Variants in RYR1 observed in about 807,000 individuals in gnomAD.
RYR1 encodes the protein ryanodine receptor 1.
A neutral mutation model predicts 583.5 loss-of-function variants in RYR1; 342 were observed. That is an observed-to-expected ratio of 0.59 (90% CI 0.54 to 0.64). The LOEUF is 0.64. RYR1 is among the 30% of genes least tolerant of loss of function. The pLI is 0.00. For synonymous variants in RYR1, 2,791 were observed against 2,822.5 expected, an observed-to-expected ratio of 0.99 and a Z score of 0.35; for missense variants, 6,032 against 6,917.2, an observed-to-expected ratio of 0.87 and a Z score of 4.54.
In RYR1 at chr19:38,500,446, G is replaced by C. The variant is rs932251766; in HGVS notation, c.7324-160G>C. On this transcript the variant is annotated intron_variant, in intron 45 of 105. Coordinates refer to ENST00000359596, the MANE Select transcript of RYR1 (RefSeq NM_000540.3). The surrounding 1 kb of genome is among the most constrained non-coding windows in gnomAD (Gnocchi z 5.9). Reference sequence around the variant, plus strand: ...CAAGGAGAGAGGTCGGGACTGGGGTGGGGGGGCACAGGCAGAGGAACGAGG... The same window carrying C: ...CAAGGAGAGAGGTCGGGACTGGGGTCGGGGGGCACAGGCAGAGGAACGAGG... 4.0e-5 allele frequency among the ~76,000 whole-genome samples: 6 copies of C among 151,022 alleles called. No individual in the cohort carries two copies. Among genetic ancestry groups the C allele is most frequent in the South Asian group, 2.1e-4 (1 of 4,750 alleles).
At chr19:38,578,250 G>A (rs112526785) in intron 99 of RYR1, 46 bp downstream of exon 99, 24 of 1,596,472 alleles carry the variant, frequency 1.5e-5, no homozygotes, top group African/African-American at 1.3e-4. Context: ...CAGGGGTGGG[G>A]CGTTAGGAGG....
chr19:38,483,243 C>T lies in RYR1; in HGVS notation c.4708-47C>T. 6.4e-7 allele frequency: 1 copy of T among 1,574,392 alleles called. No homozygotes were observed. Among genetic ancestry groups the T allele is most frequent in the Non-Finnish European group, 8.6e-7 (1 of 1,158,154 alleles). On this transcript the variant is annotated intron_variant, in intron 32 of 105. Coordinates refer to ENST00000359596, the MANE Select transcript of RYR1 (RefSeq NM_000540.3). This position sits in a 1 kb window ranked among gnomAD's most constrained non-coding sequence, Gnocchi z 6.3. ...TCTCCCTGGAAGTGGTGTGGTGGGA[C>T]AGAGGGGGCTGGCCATCTTGACCCA... is the stretch of plus-strand genomic sequence containing the variant.
rs1163185721 is a variant in RYR1, at chr19:38,455,233, A to G, written c.1441-2A>G. On this transcript the variant is annotated splice_acceptor_variant, in intron 13 of 105. Coordinates refer to ENST00000359596, the MANE Select transcript of RYR1 (RefSeq NM_000540.3). LOFTEE classifies it high-confidence loss of function. ...TGATGCCTCTTATTTTCCTCATCCT[A>G]GGGGATGCTCTCCATGGTCCTGAAT... The G allele has an allele frequency of 6.2e-7, 1 of 1,614,028 alleles. No individual in the cohort carries two copies. The highest frequency in any genetic ancestry group is 2.2e-5 in the East Asian group (1 of 44,880).
intron 76 of RYR1, among the ~76,000 whole-genome samples, chr19:38,530,987 C>CTTTTTTTTTTTTT (rs59244176): frequency 1.9e-4 from 25 of 129,368 alleles, no homozygotes; most frequent in Non-Finnish European, 2.6e-4. Context: ...TTTTCTTTCT[C>CTTTTTTTTTTTTT]TTTTTTTTTT....
At position 38,517,699 on chromosome 19, in the gene RYR1, G is replaced by C; in HGVS notation, c.10018+8G>C. ...GGATGAAGCGGCTGGCTGGTGGGTC[G>C]GGGGGCACTGGGCCTCTGAGGGGTG... On this transcript the variant is annotated splice_region_variant and intron_variant, in intron 66 of 105. Transcript: ENST00000359596. The C allele has an allele frequency of 6.2e-7, 1 of 1,613,508 alleles. No individual in the cohort carries two copies. Among genetic ancestry groups the C allele is most frequent in the Non-Finnish European group, 8.5e-7 (1 of 1,179,492 alleles).
rs71165560 is a variant in RYR1 at position 38,551,025 on chromosome 19, CTTTTTTTTTTTTTTTTTTTTTT to C, written c.12282+2623_12282+2644del. Reference sequence around the variant, plus strand: ...CATTTATATCAGTGTGGATTCACGGCTTTTTTTTTTTTTTTTTTTTTTTTTTTTTTTTTTTTTTTGAGACGGA... The same window carrying C: ...CATTTATATCAGTGTGGATTCACGGCTTTTTTTTTTTTTTTTTGAGACGGA... On this transcript the variant is annotated intron_variant, in intron 89 of 105. Transcript: ENST00000359596. 2.2e-4 allele frequency among the ~76,000 whole-genome samples: 9 copies of C among 41,356 alleles called. 1 individual carries two copies. The highest frequency in any genetic ancestry group is 7.4e-4 in the Admixed American group (2 of 2,698). 27.1% of individuals were successfully genotyped at this position (41,356 alleles called of 152,430 possible).
chr19:38,451,276 A>C (rs1261136147), intron 11 of RYR1, among the ~76,000 whole-genome samples: 4 of 152,208 alleles, frequency 2.6e-5, no homozygotes, highest in African/African-American at 9.6e-5. Flanking sequence ...TTACAGCCGC[A>C]GACTGGATGA....
chr19:38,523,536 C>G, intron 69 of RYR1: 1 of 616,876 alleles, frequency 1.6e-6, no homozygotes, highest in South Asian at 1.9e-5. Context: ...TCTCCCTCTT[C>G]TCTCATCTCT....
rs1480875724 is a variant in RYR1, at chr19:38,486,065, C to T, written c.5410C>T (p.Leu1804=). The T allele has an allele frequency of 8.7e-6, 14 of 1,612,488 alleles. No homozygotes were observed. In the Admixed American group the frequency reaches 2.2e-4, roughly 25 times the overall value. The change falls in exon 34 of 106, where the codon CTG becomes TTG. Residue 1804 remains leucine, a synonymous_variant. Transcript: ENST00000359596. ...GGCCCGCCTCAGCCCTGCCATCCCG[C>T]TGGAGGCCCTGCGGGACAAGGCACT... ...APARLSPAIP[L]EALRDKALRM...
In RYR1 at chr19:38,460,420, G is replaced by T. The variant is rs1183710307; in HGVS notation, c.2406G>T (p.Leu802=). 1.2e-5 allele frequency: 19 copies of T among 1,613,982 alleles called. No individual in the cohort carries two copies. The highest frequency in any genetic ancestry group is 1.5e-5 in the Non-Finnish European group (18 of 1,180,032). The change falls in exon 20 of 106, where the codon CTG becomes CTT. Residue 802 remains leucine, a synonymous_variant. Coordinates refer to ENST00000359596, the MANE Select transcript of RYR1 (RefSeq NM_000540.3). The stretch of plus-strand genomic sequence containing the variant: ...GCCGCCATGGTGAATTCAAGTTCCT[G>T]CCCCCACCTGGCTATGCTCCATGCC... ...LGGRHGEFKF[L]PPPGYAPCHE...
chr19:38,483,306 C>T lies in RYR1; in HGVS notation c.4724C>T (p.Ser1575Leu), dbSNP rs767293084. The change falls in exon 33 of 106, where the codon TCA (serine) becomes TTA (leucine). Residue 1575 changes from serine to leucine, a missense_variant. Coordinates refer to ENST00000359596, the MANE Select transcript of RYR1 (RefSeq NM_000540.3). This position sits in a 1 kb window ranked among gnomAD's most constrained non-coding sequence, Gnocchi z 6.3. ...TGCCCTCAGAACATCATGCCGTTGT[C>T]AGCCGCCATGTTCCAAAGCGAGCGC... ...LGKQKNIMPL[S>L]AAMFQSERKN... 6.4e-7 allele frequency: 1 copy of T among 1,559,858 alleles called. No homozygotes were observed. Among genetic ancestry groups the T allele is most frequent in the Non-Finnish European group, 8.7e-7 (1 of 1,152,022 alleles).
intron 20 of RYR1, among the ~76,000 whole-genome samples, chr19:38,461,138 A>T (rs1967716202): frequency 6.8e-6 from 1 of 146,060 alleles, no homozygotes; most frequent in Non-Finnish European, 1.5e-5. Flanking sequence ...TGGGCAACAG[A>T]GTGAGACTTC....
At chr19:38,550,108 A>T (rs1283295262) in intron 89 of RYR1, among the ~76,000 whole-genome samples, 1 of 152,054 alleles carries the variant, frequency 6.6e-6, no homozygotes, top group Non-Finnish European at 1.5e-5. Flanking sequence ...GAACAAATTC[A>T]TTCTCCTACC....
chr19:38,438,075 G>A (rs140437267), intron 1 of RYR1, among the ~76,000 whole-genome samples: 4 of 150,872 alleles, frequency 2.7e-5, no homozygotes, highest in East Asian at 3.9e-4. Context: ...TCCTCCTTGC[G>A]GCCACCATCC....
rs781458272 is a variant in RYR1, at chr19:38,505,921, C to T, written c.8516C>T (p.Thr2839Met). 6.3e-5 allele frequency: 101 copies of T among 1,613,288 alleles called. No homozygotes were observed. The highest frequency in any genetic ancestry group is 3.8e-4 in the East Asian group (17 of 44,876). The change falls in exon 54 of 106, where the codon ACG becomes ATG. Residue 2839 changes from threonine to methionine, a missense_variant. Transcript: ENST00000359596. ...GAGGAGAAGACGGAAAAGAAAAAAACGCGGAAGATATCACAAAGTGCCCAG... is the reference window on the plus strand; with the variant it reads ...GAGGAGAAGACGGAAAAGAAAAAAATGCGGAAGATATCACAAAGTGCCCAG... Reference protein sequence around the residue: ...GEEEKTEKKKTRKISQSAQTY... With the variant: ...GEEEKTEKKKMRKISQSAQTY...
At position 38,504,101 on chromosome 19, in the gene RYR1, A is replaced by T. The variant is rs552191095; in HGVS notation, c.7927-119A>T. On this transcript the variant is annotated intron_variant, in intron 49 of 105. Transcript: ENST00000359596. ...CCCTTATTAGCATATCATTTGCATA[A>T]CCCACACCTCCTTCATAATTTAAAA... 1.2e-3 allele frequency: 1,288 copies of T among 1,115,870 alleles called. 24 individuals are homozygous for T. The South Asian group carries it at 0.015, about 13-fold the overall frequency. The allele number at this position is 1,115,870 out of a possible 1,614,324, so 69.1% of individuals were successfully genotyped here.
rs1971306200 is a variant in RYR1, at chr19:38,523,307, AAGGTCGGGGCTTGGTTCTGGG to A, written c.10440+2_10440+22del. The A allele has an allele frequency of 6.2e-7, 1 of 1,614,164 alleles. No individual in the cohort carries two copies. Among genetic ancestry groups the A allele is most frequent in the Non-Finnish European group, 8.5e-7 (1 of 1,180,018 alleles). ...TGCTGACAACAAAAGCAAAATGGCT[AAGGTCGGGGCTTGGTTCTGGG>A]AGGAGCACTTGGCAGAGAGGGCGGG... On this transcript the variant is annotated splice_donor_variant and splice_donor_5th_base_variant and coding_sequence_variant and intron_variant, in exon 69 of 106. Transcript: ENST00000359596. LOFTEE classifies it high-confidence loss of function.
chr19:38,580,162 A>G, intron 100 of RYR1, 34 bp downstream of exon 100: 1 of 1,613,788 alleles, frequency 6.2e-7, no homozygotes, highest in Non-Finnish European at 8.5e-7. Flanking sequence ...GGCGTGGGCC[A>G]GCAGGGACCA....
chr19:38,494,531 A>G lies in RYR1; in HGVS notation c.6454A>G (p.Thr2152Ala), dbSNP rs2145578190. 1.2e-6 allele frequency: 2 copies of G among 1,613,962 alleles called. No individual in the cohort carries two copies. Among genetic ancestry groups the G allele is most frequent in the East Asian group, 4.5e-5 (2 of 44,882 alleles). The change falls in exon 39 of 106, where the codon ACC becomes GCC. Residue 2152 changes from threonine (T) to alanine (A), a missense_variant. Thr to Ala is a moderately conservative substitution (Grantham distance 58). This residue lies in a region of RYR1 where 2,627 missense variants were observed against 2,961.3 expected (regional missense o/e 0.89). Coordinates refer to ENST00000359596, the MANE Select transcript of RYR1 (RefSeq NM_000540.3). ...CATCTCACCGTCCTCCGTGGAAGAC[A>G]CCATGAGCCTGCTCGAGTGCCTCGG... ...YTISPSSVED[T>A]MSLLECLGQI...
Sources: allele counts gnomAD v4.1 joint callset (sites outside exome capture counted in the v4.1 genomes callset), GRCh38; gene constraint gnomAD v4.1.1; regional missense constraint gnomAD v4.1.1; non-coding constraint Gnocchi (gnomAD v3.1); transcripts MANE v1.5; gene names NCBI Gene and HGNC (gene_info 2026-07-23, HGNC 2026-07-21).